Variants in PLD5 observed in about 807,000 individuals in gnomAD.
The protein encoded by PLD5 is inactive phospholipase D5.
Under a neutral mutation model 61.1 loss-of-function variants are expected in PLD5, and 36 were observed. That is an observed-to-expected ratio of 0.59 (90% CI 0.45 to 0.78). The LOEUF is 0.78. Ranked by LOEUF, PLD5 falls within the 30% of genes least tolerant of loss-of-function variation. PLD5 has a pLI of 0.00. For synonymous variants in PLD5, 243 were observed against 242.8 expected, an observed-to-expected ratio of 1.00 and a Z score of -0.01; for missense variants, 515 against 644.4, an observed-to-expected ratio of 0.80 and a Z score of 2.17.
intron 5 of PLD5, among the ~76,000 whole-genome samples, chr1:242,216,010 T>A (rs1295837462): frequency 6.6e-6 from 1 of 152,204 alleles, no homozygotes; most frequent in African/African-American, 2.4e-5. Flanking sequence ...TCTAACAACA[T>A]GACTGCTTGG....
At chr1:242,321,774 G>A (rs986796615) in intron 2 of PLD5, among the ~76,000 whole-genome samples, 1 of 152,108 alleles carries the variant, frequency 6.6e-6, no homozygotes, top group African/African-American at 2.4e-5. Context: ...ATCACTCTGT[G>A]ATTCTCCCTT....
At chr1:242,470,942 C>G (rs1234131690) in intron 1 of PLD5, among the ~76,000 whole-genome samples, 2 of 152,238 alleles carry the variant, frequency 1.3e-5, no homozygotes, top group Non-Finnish European at 1.5e-5. Context: ...TCCTCAAACA[C>G]CAGTCCTTGT....
chr1:242,519,129 A>T (rs1669197341), intron 1 of PLD5, among the ~76,000 whole-genome samples: 1 of 152,240 alleles, frequency 6.6e-6, no homozygotes, highest in South Asian at 2.1e-4. Context: ...GGAACATTTT[A>T]AAGATTCATT....
intron 2 of PLD5, among the ~76,000 whole-genome samples, chr1:242,331,403 C>T (rs1289283576): frequency 6.6e-6 from 1 of 151,878 alleles, no homozygotes; most frequent in Non-Finnish European, 1.5e-5. Flanking sequence ...GCCTTCTTCA[C>T]CAAAGTTGTA....
chr1:242,376,583 T>C (rs10926705), intron 1 of PLD5, among the ~76,000 whole-genome samples: 31,727 of 152,032 alleles, frequency 0.21, 4,348 homozygotes, highest in African/African-American at 0.39. Flanking sequence ...GGAACTGCCC[T>C]TGTTACTAAG....
chr1:242,380,151 A>T (rs904359065), intron 1 of PLD5, among the ~76,000 whole-genome samples: 2 of 152,186 alleles, frequency 1.3e-5, no homozygotes, highest in African/African-American at 4.8e-5. Context: ...CATTTAGGGA[A>T]ATTCTTCACT....
chr1:242,342,243 G>A lies in PLD5; in HGVS notation c.326+5863C>T, dbSNP rs576054106. On this transcript the variant is annotated intron_variant, in intron 2 of 9. Transcript: ENST00000536534. ...GAGTGTCTAATAGTGTCTCTAATAA[G>A]TGGTGGAGTAGCAACTGAAAATGAC... is the stretch of plus-strand genomic sequence containing the variant. Among the ~76,000 whole-genome samples the A allele has an allele frequency of 1.2e-4, 19 of 152,304 alleles. No homozygotes were observed. In the South Asian group the frequency reaches 3.3e-3, roughly 27 times the overall value.
At chr1:242,158,213 A>T (rs1227510273) in intron 5 of PLD5, among the ~76,000 whole-genome samples, 2 of 152,148 alleles carry the variant, frequency 1.3e-5, no homozygotes, top group East Asian at 3.9e-4. Flanking sequence ...TGGCAGTGAG[A>T]ATTTCAAGGC....
intron 1 of PLD5, among the ~76,000 whole-genome samples, chr1:242,489,755 C>T (rs145251632): frequency 6.6e-6 from 1 of 152,152 alleles, no homozygotes; most frequent in Non-Finnish European, 1.5e-5. Context: ...GTATTCAGGG[C>T]AGTTGGTATT....
At chr1:242,377,170 T>C in intron 1 of PLD5, 2 of 1,611,666 alleles carry the variant, frequency 1.2e-6, no homozygotes, top group African/African-American at 1.3e-5. Flanking sequence ...AAGAGGTGTC[T>C]GGAGAGAGAG....
intron 1 of PLD5, among the ~76,000 whole-genome samples, chr1:242,478,039 T>C (rs1189942494): frequency 1.3e-5 from 2 of 152,202 alleles, no homozygotes; most frequent in Admixed American, 1.3e-4. Flanking sequence ...ACACTGACAA[T>C]GTGAAAGCTC....
chr1:242,420,905 G>A (rs1323440742), intron 1 of PLD5, among the ~76,000 whole-genome samples: 6 of 152,116 alleles, frequency 3.9e-5, no homozygotes, highest in African/African-American at 9.7e-5. Flanking sequence ...TTGGCCGGGC[G>A]CAGTGGTTCA....
chr1:242,370,590 C>A (rs950431594), intron 1 of PLD5, among the ~76,000 whole-genome samples: 12 of 152,106 alleles, frequency 7.9e-5, no homozygotes, highest in Non-Finnish European at 1.6e-4. Context: ...TGTCTCCCAC[C>A]CTTCCTTCCA....
chr1:242,163,256 G>T (rs1387101807), intron 5 of PLD5, among the ~76,000 whole-genome samples: 1 of 148,826 alleles, frequency 6.7e-6, no homozygotes, highest in African/African-American at 2.6e-5. Flanking sequence ...CCATTCTCCT[G>T]CCTCAGCCTC....
At chr1:242,416,642 C>A (rs1018710243) in intron 1 of PLD5, among the ~76,000 whole-genome samples, 5 of 152,226 alleles carry the variant, frequency 3.3e-5, no homozygotes, top group African/African-American at 1.2e-4. Flanking sequence ...AGAGCAACTT[C>A]TTGACTTCCT....
At chr1:242,252,467 C>T (rs1445359826) in intron 4 of PLD5, among the ~76,000 whole-genome samples, 1 of 152,170 alleles carries the variant, frequency 6.6e-6, no homozygotes, top group East Asian at 1.9e-4. Context: ...AATCCCAGCA[C>T]TTGGGGAGGC....
chr1:242,426,309 TAAAAAA>T (rs56996310), intron 1 of PLD5, among the ~76,000 whole-genome samples: 5 of 120,064 alleles, frequency 4.2e-5, no homozygotes, highest in African/African-American at 9.5e-5. Context: ...CGTTTCCAGT[TAAAAAA>T]AAAAAAAAAA....
chr1:242,426,309 TAAAAAAAA>T (rs56996310), intron 1 of PLD5, among the ~76,000 whole-genome samples: 19 of 120,068 alleles, frequency 1.6e-4, no homozygotes, highest in African/African-American at 5.7e-4. Flanking sequence ...CGTTTCCAGT[TAAAAAAAA>T]AAAAAAAAAA....
chr1:242,356,756 T>A (rs189469222), intron 1 of PLD5, among the ~76,000 whole-genome samples: 2 of 152,128 alleles, frequency 1.3e-5, no homozygotes, highest in Non-Finnish European at 2.9e-5. Context: ...CTTACACTTA[T>A]AACAGTCTAC....
Sources: allele counts gnomAD v4.1 joint callset (sites outside exome capture counted in the v4.1 genomes callset), GRCh38; gene constraint gnomAD v4.1.1; transcripts MANE v1.5; gene names NCBI Gene and HGNC (gene_info 2026-07-23, HGNC 2026-07-21).